The following PIK3C2G variants were observed in gnomAD, a reference collection of about 807,000 sequenced individuals.
PIK3C2G encodes phosphatidylinositol 3-kinase C2 domain-containing subunit gamma.
PIK3C2G carries 168 observed loss-of-function variants against 181.1 expected under a neutral mutation model. The observed-to-expected ratio is 0.93, with a 90% CI of 0.82 to 1.05. PIK3C2G has a LOEUF of 1.05. Ranked by LOEUF, PIK3C2G falls within the 50% of genes least tolerant of loss-of-function variation. The pLI is 0.00. For missense variants in PIK3C2G, 1,869 were observed against 1,732.8 expected, an observed-to-expected ratio of 1.08 and a Z score of -1.40; for synonymous variants, 573 against 592.2, an observed-to-expected ratio of 0.97 and a Z score of 0.47.
chr12:18,646,523 A>G (rs1166416563), intron 32 of PIK3C2G, among the ~76,000 whole-genome samples: 2 of 152,152 alleles, frequency 1.3e-5, no homozygotes, highest in Non-Finnish European at 2.9e-5. Flanking sequence ...TTGATAACGT[A>G]ATGAAAGGTA....
the PIK3C2G span, chr12:18,701,895 A>T: frequency 1.7e-5 from 24 of 1,415,714 alleles, no homozygotes; most frequent in Non-Finnish European, 2.3e-5. Context: ...ATATGTAAGA[A>T]CTCCATTTTT....
chr12:18,446,151 C>G (rs1220256824), intron 18 of PIK3C2G, among the ~76,000 whole-genome samples: 2 of 152,060 alleles, frequency 1.3e-5, no homozygotes, highest in African/African-American at 4.8e-5. Flanking sequence ...GAATTTAGAC[C>G]CTGCCAATCT....
intron 11 of PIK3C2G, among the ~76,000 whole-genome samples, chr12:18,350,912 T>C (rs1184179445): frequency 6.6e-6 from 1 of 152,158 alleles, no homozygotes; most frequent in Non-Finnish European, 1.5e-5. Context: ...CAGGAATTAA[T>C]ACATTACTGA....
intron 11 of PIK3C2G, among the ~76,000 whole-genome samples, chr12:18,349,759 C>G (rs1940039938): frequency 6.6e-6 from 1 of 152,050 alleles, no homozygotes; most frequent in African/African-American, 2.4e-5. Flanking sequence ...TTAATAATAG[C>G]ATATTGTTAG....
intron 17 of PIK3C2G, among the ~76,000 whole-genome samples, chr12:18,423,202 C>T (rs554005120): frequency 1.7e-4 from 25 of 151,360 alleles, no homozygotes; most frequent in African/African-American, 6.0e-4. Flanking sequence ...TATCAAACAA[C>T]TAAAGATATA....
chr12:18,723,428 G>C, the PIK3C2G span: 1 of 1,612,746 alleles, frequency 6.2e-7, no homozygotes, highest in East Asian at 2.2e-5. Flanking sequence ...AGAATTTTCC[G>C]GTTTTCAGAA....
intron 29 of PIK3C2G, among the ~76,000 whole-genome samples, chr12:18,588,369 A>G (rs1015906670): frequency 1.3e-5 from 2 of 152,092 alleles, no homozygotes; most frequent in Non-Finnish European, 2.9e-5. Flanking sequence ...AAGGTCTAAT[A>G]TGCACATCTA....
chr12:18,268,951 G>C (rs1948627470), intron 1 of PIK3C2G, among the ~76,000 whole-genome samples: 1 of 151,426 alleles, frequency 6.6e-6, no homozygotes, highest in African/African-American at 2.4e-5. Context: ...GTCTCACTCT[G>C]TCACTCAGGC....
intron 24 of PIK3C2G, among the ~76,000 whole-genome samples, chr12:18,523,833 C>T (rs894276202): frequency 2.6e-5 from 4 of 152,198 alleles, no homozygotes; most frequent in Non-Finnish European, 4.4e-5. Context: ...TGAGCAAGTT[C>T]GGATACTCTC....
chr12:18,416,057 C>G (rs1410871197), intron 16 of PIK3C2G, among the ~76,000 whole-genome samples: 1 of 152,086 alleles, frequency 6.6e-6, no homozygotes, highest in Non-Finnish European at 1.5e-5. Context: ...GCCAGATGGC[C>G]AAGATGGTGA....
chr12:18,677,009 AT>A, the PIK3C2G span, among the ~76,000 whole-genome samples: 3 of 152,104 alleles, frequency 2.0e-5, no homozygotes, highest in Non-Finnish European at 4.4e-5. Context: ...GATATTTGTC[AT>A]AAATCACCAT....
At chr12:18,280,529 A>T (rs1323872344) in intron 1 of PIK3C2G, among the ~76,000 whole-genome samples, 3 of 152,038 alleles carry the variant, frequency 2.0e-5, no homozygotes, top group Admixed American at 6.6e-5. Context: ...AGTCCTTTTG[A>T]GGAGCCAGAA....
chr12:18,679,284 T>C, the PIK3C2G span, among the ~76,000 whole-genome samples: 4 of 151,684 alleles, frequency 2.6e-5, no homozygotes, highest in Non-Finnish European at 5.9e-5. Flanking sequence ...AGGCAGAAGT[T>C]CTTTTTAAAA....
intron 13 of PIK3C2G, among the ~76,000 whole-genome samples, chr12:18,372,177 C>A (rs1942111796): frequency 6.6e-6 from 1 of 151,536 alleles, no homozygotes; most frequent in Non-Finnish European, 1.5e-5. Context: ...TGGATTAATT[C>A]TGATGTAAGC....
At chr12:18,322,041 A>G (rs939283808) in intron 7 of PIK3C2G, among the ~76,000 whole-genome samples, 4 of 152,164 alleles carry the variant, frequency 2.6e-5, no homozygotes, top group African/African-American at 9.7e-5. Flanking sequence ...GCGCACGTTT[A>G]CCTATGTAAC....
intron 31 of PIK3C2G, among the ~76,000 whole-genome samples, chr12:18,629,880 T>A (rs1204392469): frequency 6.6e-6 from 1 of 152,156 alleles, no homozygotes; most frequent in African/African-American, 2.4e-5. Flanking sequence ...AATATTGCAA[T>A]AGATAACAGG....
intron 29 of PIK3C2G, among the ~76,000 whole-genome samples, chr12:18,590,712 T>C (rs1378984517): frequency 6.6e-6 from 1 of 152,006 alleles, no homozygotes; most frequent in Non-Finnish European, 1.5e-5. Context: ...AATTTAAAAG[T>C]TGATCATTTT....
At chr12:18,277,614 C>T (rs912878475) in intron 1 of PIK3C2G, among the ~76,000 whole-genome samples, 5 of 152,094 alleles carry the variant, frequency 3.3e-5, no homozygotes, top group African/African-American at 9.7e-5. Flanking sequence ...TCTCATCTTC[C>T]TCCTGTAGAT....
At chr12:18,583,408 C>A (rs553287409) in intron 29 of PIK3C2G, among the ~76,000 whole-genome samples, 1 of 152,152 alleles carries the variant, frequency 6.6e-6, no homozygotes, top group Non-Finnish European at 1.5e-5. Flanking sequence ...TGGGTGGGTC[C>A]TCCTGGCCTG....
Sources: allele counts gnomAD v4.1 joint callset (sites outside exome capture counted in the v4.1 genomes callset), GRCh38; gene constraint gnomAD v4.1.1; transcripts MANE v1.5; gene names NCBI Gene and HGNC (gene_info 2026-07-23, HGNC 2026-07-21).